The following LRCH1 variants were observed in gnomAD, a reference collection of about 807,000 sequenced individuals.
LRCH1 encodes the protein leucine-rich repeat and calponin homology domain-containing protein 1.
In LRCH1, 23 loss-of-function variants were observed where a neutral mutation model predicts 94.9. The ratio of observed to expected loss-of-function variants is 0.24; its 90% CI spans 0.17 to 0.34. The LOEUF is 0.34. Among genes scored for constraint, LRCH1 ranks in the 10% least tolerant of loss-of-function variants. The pLI is 1.00. For synonymous variants in LRCH1, 364 were observed against 354.9 expected (o/e 1.03, Z -0.29); for missense variants, 790 against 945.9 (o/e 0.84, Z 2.16).
At chr13:46,713,498 T>C (rs1872173807) in intron 15 of LRCH1, among the ~76,000 whole-genome samples, 1 of 152,236 alleles carries the variant, frequency 6.6e-6, no homozygotes, top group African/African-American at 2.4e-5. Context: ...GATGATTCTT[T>C]AATAAAGGAA....
intron 19 of LRCH1, among the ~76,000 whole-genome samples, chr13:46,734,599 G>A (rs557403299): frequency 1.3e-5 from 2 of 152,294 alleles, no homozygotes; most frequent in South Asian, 2.1e-4. Context: ...ATTACATATA[G>A]TTTGCTATTT....
intron 1 of LRCH1, among the ~76,000 whole-genome samples, chr13:46,615,595 G>A (rs754184750): frequency 9.2e-5 from 14 of 152,122 alleles, no homozygotes; most frequent in Non-Finnish European, 1.2e-4. Context: ...ACCCAGCTTC[G>A]AGCTCCCTTC....
At chr13:46,567,527 T>TGTGTGTGTGTGTGTGTGTGTGTG (rs2050197907) in intron 1 of LRCH1, among the ~76,000 whole-genome samples, 1 of 151,698 alleles carries the variant, frequency 6.6e-6, no homozygotes, top group African/African-American at 2.4e-5. Flanking sequence ...TGTGTGTGTG[T>TGTGTGTGTGTGTGTGTGTGTGTG]TTTCCTGGTG....
chr13:46,682,304 ATG>A, intron 4 of LRCH1, among the ~76,000 whole-genome samples: 1 of 151,996 alleles, frequency 6.6e-6, no homozygotes, highest in Non-Finnish European at 1.5e-5. Flanking sequence ...CCCTCTGCAC[ATG>A]TCTGTGTCCT....
At chr13:46,604,671 T>A (rs2050668529) in intron 1 of LRCH1, among the ~76,000 whole-genome samples, 1 of 152,236 alleles carries the variant, frequency 6.6e-6, no homozygotes, top group South Asian at 2.1e-4. Context: ...TTTCTTTTTT[T>A]ATTATCCAAG....
At chr13:46,646,026 A>T (rs74076770) in intron 1 of LRCH1, among the ~76,000 whole-genome samples, 12,968 of 152,300 alleles carry the variant, frequency 0.085, 666 homozygotes, top group Middle Eastern at 0.16. Context: ...GCAAACTTCC[A>T]GCACTGTAGC....
chr13:46,661,956 G>A (rs1249245850), intron 2 of LRCH1, among the ~76,000 whole-genome samples: 2 of 152,148 alleles, frequency 1.3e-5, no homozygotes, highest in Non-Finnish European at 2.9e-5. Context: ...GCTCATGCCT[G>A]TAATCCCAGC....
intron 18 of LRCH1, among the ~76,000 whole-genome samples, chr13:46,733,660 A>T (rs1873224407): frequency 1.3e-5 from 2 of 152,142 alleles, no homozygotes; most frequent in Admixed American, 6.5e-5. Flanking sequence ...ATATATATAT[A>T]CATAGGCATA....
chr13:46,588,594 G>A (rs1461674458), intron 1 of LRCH1, among the ~76,000 whole-genome samples: 1 of 112,170 alleles, frequency 8.9e-6, no homozygotes, highest in Non-Finnish European at 1.7e-5. Flanking sequence ...CTCTCTCTCT[G>A]TCTTTTTTTT....
intron 1 of LRCH1, among the ~76,000 whole-genome samples, chr13:46,594,243 G>GAA (rs1266865419): frequency 8.3e-6 from 1 of 119,914 alleles, no homozygotes; most frequent in African/African-American, 2.9e-5. Flanking sequence ...TAATCTCAGT[G>GAA]AAAAAAAAAA....
chr13:46,659,567 A>G (rs948931004), intron 2 of LRCH1, among the ~76,000 whole-genome samples: 1 of 152,204 alleles, frequency 6.6e-6, no homozygotes, highest in Non-Finnish European at 1.5e-5. Context: ...GTCTGTAAGT[A>G]GCAAAAAACC....
chr13:46,589,713 G>C (rs2050477895), intron 1 of LRCH1, among the ~76,000 whole-genome samples: 1 of 145,846 alleles, frequency 6.9e-6, no homozygotes, highest in Non-Finnish European at 1.5e-5. Flanking sequence ...TGATTCTCCT[G>C]TCTCAGCCTT....
At chr13:46,748,350 T>A (rs1873992714), downstream of LRCH1, among the ~76,000 whole-genome samples, 1 of 152,138 alleles carries the variant, frequency 6.6e-6, no homozygotes, top group Non-Finnish European at 1.5e-5. Flanking sequence ...AAGTAAAGAA[T>A]TGTTTTCCCC....
intron 1 of LRCH1, among the ~76,000 whole-genome samples, chr13:46,639,931 T>G (rs2051138562): frequency 6.6e-6 from 1 of 152,222 alleles, no homozygotes; most frequent in African/African-American, 2.4e-5. Flanking sequence ...GTCCTAGTTA[T>G]ATTTCATTTT....
At chr13:46,668,993 T>A in intron 2 of LRCH1, 37 bp from the exon 3 acceptor site, 1 of 1,611,610 alleles carries the variant, frequency 6.2e-7, no homozygotes, top group Non-Finnish European at 8.5e-7. Context: ...AAGTGGCCTT[T>A]CTGTTTACAT....
At chr13:46,677,794 AAAACTT>A (rs2051697991) in intron 3 of LRCH1, among the ~76,000 whole-genome samples, 1 of 152,226 alleles carries the variant, frequency 6.6e-6, no homozygotes, top group Non-Finnish European at 1.5e-5. Flanking sequence ...TGGTCTATAA[AAAACTT>A]AAACTTGAGT....
intron 1 of LRCH1, among the ~76,000 whole-genome samples, chr13:46,644,874 A>G (rs147845399): frequency 4.5e-4 from 69 of 152,314 alleles, no homozygotes; most frequent in African/African-American, 1.5e-3. Flanking sequence ...TAAAAATAAG[A>G]ATTAAAAGAG....
At chr13:46,647,681 A>G (rs953366706) in intron 1 of LRCH1, among the ~76,000 whole-genome samples, 1 of 152,110 alleles carries the variant, frequency 6.6e-6, no homozygotes, top group African/African-American at 2.4e-5. Flanking sequence ...CCCCATTCTG[A>G]GATCGTAAAC....
chr13:46,668,207 G>A (rs1369479678), intron 2 of LRCH1, among the ~76,000 whole-genome samples: 2 of 152,034 alleles, frequency 1.3e-5, no homozygotes, highest in Non-Finnish European at 2.9e-5. Flanking sequence ...AGGATGGTTC[G>A]TAGATTTTAT....
Sources: gnomAD v4.1 joint callset for allele counts (sites outside exome capture counted in the v4.1 genomes callset) on GRCh38, gnomAD v4.1.1 for gene constraint, MANE v1.5 for transcripts, NCBI Gene and HGNC (gene_info 2026-07-23, HGNC 2026-07-21) for gene names.